RALYL: variants seen among roughly 807,000 people sequenced by gnomAD.
The protein encoded by RALYL is RALY RNA binding protein like, also known as RNA-binding Raly-like protein.
Under a neutral mutation model 35.1 loss-of-function variants are expected in RALYL, and 29 were observed. The observed-to-expected ratio is 0.83, with a 90% confidence interval of 0.61 to 1.13. RALYL has a LOEUF of 1.13. Ranked by LOEUF, RALYL falls within the 50% of genes most tolerant of loss-of-function variation. RALYL has a pLI of 0.00. For synonymous variants in RALYL, 120 were observed against 127.6 expected (o/e 0.94, Z 0.40); for missense variants, 359 against 360.4 (o/e 1.00, Z 0.03).
At chr8:84,833,773 T>C (rs1167892519) in intron 4 of RALYL, among the ~76,000 whole-genome samples, 1 of 152,054 alleles carries the variant, frequency 6.6e-6, no homozygotes, top group East Asian at 1.9e-4. Flanking sequence ...GTCTATGCTA[T>C]GAACTTTGAT....
chr8:84,409,770 A>G (rs317951), intron 1 of RALYL, among the ~76,000 whole-genome samples: 11,018 of 152,048 alleles, frequency 0.072, 504 homozygotes, highest in African/African-American at 0.12. Context: ...ACACATTACC[A>G]GGTATCTCTA....
At chr8:84,218,347 A>G (rs1028983991) in intron 1 of RALYL, among the ~76,000 whole-genome samples, 2 of 152,008 alleles carry the variant, frequency 1.3e-5, no homozygotes, top group Non-Finnish European at 2.9e-5. Flanking sequence ...ATGACTTCCT[A>G]TATATCATCA....
At chr8:84,559,207 T>C (rs2061331644) in intron 2 of RALYL, among the ~76,000 whole-genome samples, 1 of 152,052 alleles carries the variant, frequency 6.6e-6, no homozygotes, top group Non-Finnish European at 1.5e-5. Flanking sequence ...ATTAATTTAA[T>C]TATTGAAGTG....
intron 2 of RALYL, among the ~76,000 whole-genome samples, chr8:84,542,206 T>A (rs987536278): frequency 8.5e-5 from 13 of 152,112 alleles, no homozygotes; most frequent in African/African-American, 3.1e-4. Context: ...CATCTCAGCT[T>A]ATACCATTTT....
chr8:84,237,578 A>G (rs919145465), intron 1 of RALYL, among the ~76,000 whole-genome samples: 1 of 152,214 alleles, frequency 6.6e-6, no homozygotes, highest in Non-Finnish European at 1.5e-5. Context: ...ATTGACAACA[A>G]CAACAATAAA....
At chr8:84,288,039 G>A (rs188188433) in intron 1 of RALYL, among the ~76,000 whole-genome samples, 144 of 152,246 alleles carry the variant, frequency 9.5e-4, no homozygotes, top group Middle Eastern at 3.4e-3. Flanking sequence ...CAGCTCTAGT[G>A]AATAAATAAA....
At chr8:84,615,188 CT>C (rs1819194523) in intron 2 of RALYL, among the ~76,000 whole-genome samples, 1 of 151,620 alleles carries the variant, frequency 6.6e-6, no homozygotes, top group Admixed American at 6.6e-5. Context: ...TGAATTGTTA[CT>C]TTTTTGCTCT....
At chr8:84,438,292 T>C (rs369245942) in intron 1 of RALYL, among the ~76,000 whole-genome samples, 1 of 152,294 alleles carries the variant, frequency 6.6e-6, no homozygotes, top group East Asian at 1.9e-4. Context: ...TTGTTTCTGT[T>C]GCAATTGCTT....
At chr8:84,287,089 A>G (rs778314536) in intron 1 of RALYL, among the ~76,000 whole-genome samples, 6 of 152,210 alleles carry the variant, frequency 3.9e-5, no homozygotes, top group Non-Finnish European at 7.3e-5. Context: ...TTTACTTCTC[A>G]GGACCAGTGA....
At chr8:84,663,669 T>C (rs1409871500) in intron 2 of RALYL, among the ~76,000 whole-genome samples, 1 of 152,148 alleles carries the variant, frequency 6.6e-6, no homozygotes. Flanking sequence ...ATGGGGTTGT[T>C]TTTTTAATTG....
intron 1 of RALYL, among the ~76,000 whole-genome samples, chr8:84,317,934 A>G (rs1165499393): frequency 6.6e-6 from 1 of 152,012 alleles, no homozygotes; most frequent in African/African-American, 2.4e-5. Context: ...TATTTCAATT[A>G]TTAAGTTTTT....
At chr8:84,393,824 G>A (rs1279529872) in intron 1 of RALYL, among the ~76,000 whole-genome samples, 1 of 152,074 alleles carries the variant, frequency 6.6e-6, no homozygotes, top group Non-Finnish European at 1.5e-5. Flanking sequence ...ACCTCATAAA[G>A]TGTGAAAATT....
At chr8:84,878,814 T>C (rs905420984) in intron 7 of RALYL, among the ~76,000 whole-genome samples, 1 of 150,720 alleles carries the variant, frequency 6.6e-6, no homozygotes, top group Non-Finnish European at 1.5e-5. Context: ...AAATGGAAAA[T>C]AGGGGAAGGA....
chr8:84,480,935 A>G (rs1199037688), intron 1 of RALYL, among the ~76,000 whole-genome samples: 2 of 152,208 alleles, frequency 1.3e-5, no homozygotes, highest in East Asian at 3.8e-4. Context: ...TAAAATAAAT[A>G]GAAAATTTCC....
intron 1 of RALYL, among the ~76,000 whole-genome samples, chr8:84,336,253 G>A (rs1413708412): frequency 6.6e-6 from 1 of 152,102 alleles, no homozygotes; most frequent in African/African-American, 2.4e-5. Flanking sequence ...TGTGATAACT[G>A]CTAGATCTAC....
chr8:84,896,846 A>C (rs1281114696), intron 8 of RALYL, among the ~76,000 whole-genome samples: 1 of 152,200 alleles, frequency 6.6e-6, no homozygotes, highest in Non-Finnish European at 1.5e-5. Context: ...GGTCTGATGC[A>C]AATTTTTTGG....
chr8:84,416,198 G>C (rs1419230033), intron 1 of RALYL, among the ~76,000 whole-genome samples: 1 of 152,182 alleles, frequency 6.6e-6, no homozygotes, highest in African/African-American at 2.4e-5. Context: ...CTCTGTACCA[G>C]ATGCAATTCT....
chr8:84,525,036 T>G (rs908765547), intron 1 of RALYL, among the ~76,000 whole-genome samples: 1 of 149,818 alleles, frequency 6.7e-6, no homozygotes, highest in Non-Finnish European at 1.5e-5. Context: ...ACGGCCTCAA[T>G]TTTAACTAAG....
intron 1 of RALYL, among the ~76,000 whole-genome samples, chr8:84,484,368 G>T (rs1564013016): frequency 6.6e-6 from 1 of 152,052 alleles, no homozygotes; most frequent in Non-Finnish European, 1.5e-5. Context: ...TACCACTGTG[G>T]TATGACAGAG....
Sources: gnomAD v4.1 joint callset for allele counts (sites outside exome capture counted in the v4.1 genomes callset) on GRCh38, gnomAD v4.1.1 for gene constraint, MANE v1.5 for transcripts, NCBI Gene and HGNC (gene_info 2026-07-23, HGNC 2026-07-21) for gene names.